Variants in DNAJC2 observed in about 807,000 individuals in gnomAD.
The protein encoded by DNAJC2 is DnaJ heat shock protein family (Hsp40) member C2.
DNAJC2 carries 32 observed loss-of-function variants against 94.0 expected under a neutral mutation model. The ratio of observed to expected loss-of-function variants is 0.34; its 90% confidence interval spans 0.26 to 0.46. The LOEUF (loss-of-function observed/expected upper bound fraction) is 0.46. Among genes scored for constraint, DNAJC2 ranks in the 20% least tolerant of loss-of-function variants. The pLI, the probability that DNAJC2 is intolerant of heterozygous loss-of-function variation, is 1.00. For missense variants in DNAJC2, 550 were observed against 719.5 expected (o/e 0.76, Z 2.69); for synonymous variants, 210 against 229.7 (o/e 0.91, Z 0.77).
intron 2 of DNAJC2, among the ~76,000 whole-genome samples, chr7:103,338,265 GTCTT>G (rs1819250330): frequency 7.7e-6 from 1 of 130,334 alleles, no homozygotes; most frequent in Non-Finnish European, 1.6e-5. Flanking sequence ...GCAAGACCCT[GTCTT>G]TTTTTTTTTT....
chr7:103,332,976 C>G (rs1223275963), intron 3 of DNAJC2, among the ~76,000 whole-genome samples: 2 of 152,058 alleles, frequency 1.3e-5, no homozygotes, highest in African/African-American at 2.4e-5. Context: ...TGCTTGGGAC[C>G]AAAAGTGTTC....
At chr7:103,323,570 T>G (rs1039882569) in intron 7 of DNAJC2, 28 bp downstream of exon 7, 1 of 1,434,622 alleles carries the variant, frequency 7.0e-7, no homozygotes, top group Admixed American at 2.7e-5. Flanking sequence ...AATAAATACC[T>G]TCCATTATTA....
chr7:103,317,453 T>G lies in DNAJC2; in HGVS notation c.1243-439A>C, dbSNP rs116171390. The G allele has an allele frequency of 8.1e-3, 1,271 of 156,088 alleles. 14 individuals carry two copies. Among genetic ancestry groups the G allele is most frequent in the African/African-American group, 0.028 (1,188 of 41,712 alleles). The allele number at this position is 156,088 out of a possible 1,614,324, so 9.7% of individuals were successfully genotyped here. A position where few individuals can be genotyped will look rare whatever the true frequency, so the allele number is the denominator to read the frequency against. On this transcript the variant is annotated intron_variant, in intron 12 of 16. Transcript: ENST00000379263. ...GAAGCTCTACCATTTACATTGTTCC[T>G]TCTAGACTACCTTCAAACATGCACA...
chr7:103,334,606 A>AT (rs1401883131), intron 3 of DNAJC2, among the ~76,000 whole-genome samples: 258 of 151,144 alleles, frequency 1.7e-3, no homozygotes, highest in Non-Finnish European at 3.0e-3. Context: ...TTGAAAAAAA[A>AT]TTTTTTTAAT....
At chr7:103,335,869 TAA>T (rs907147657) in intron 3 of DNAJC2, 2 of 152,180 alleles carry the variant, frequency 1.3e-5, no homozygotes, top group Non-Finnish European at 2.9e-5. Flanking sequence ...ACAAGGCCAA[TAA>T]AAAGAGTGGA....
chr7:103,320,832 T>C (rs1233012761), intron 10 of DNAJC2: 1 of 108,000 alleles, frequency 9.3e-6, no homozygotes, highest in Non-Finnish European at 1.7e-5. Context: ...CAGCATGTCT[T>C]TTTTTTTTTT....
At position 103,315,758 on chromosome 7, in the gene DNAJC2, A is replaced by T; in HGVS notation, c.1636+6T>A. ...CATTTTCTACGTTTAGAAAAGCAAA[A>T]TTTACCTTCAAATCGTTCTGAAGGC... On this transcript the variant is annotated splice_donor_region_variant and intron_variant, in intron 15 of 16. Transcript: ENST00000379263. The T allele has an allele frequency of 6.2e-7, 1 of 1,611,070 alleles. No homozygotes were observed. The highest frequency in any genetic ancestry group is 1.3e-5 in the African/African-American group (1 of 74,956).
rs758317404 is a variant in DNAJC2, at chr7:103,316,846, C to T, written c.1411G>A (p.Ala471Thr). Reference protein sequence around the residue: ...LLIKAVNLFPAGTNSRWEVIA... With the variant: ...LLIKAVNLFPTGTNSRWEVIA... ...AACCAGTACCTTGAATTTGTTCCAG[C>T]AGGGAACAGATTCACAGCTTTAATT... Residue 471 changes from alanine to threonine, a missense_variant, in exon 13 of 17, where the codon GCT becomes ACT. Coordinates refer to ENST00000379263, the MANE Select transcript of DNAJC2 (RefSeq NM_014377.3). The T allele has an allele frequency of 3.1e-6, 5 of 1,613,380 alleles. No homozygotes were observed. The highest frequency in any genetic ancestry group is 4.2e-6 in the Non-Finnish European group (5 of 1,179,836).
At chr7:103,327,336 A>T in intron 4 of DNAJC2, 1 of 1,291,028 alleles carries the variant, frequency 7.7e-7, no homozygotes, top group Non-Finnish European at 1.0e-6. Flanking sequence ...ACTTACATGA[A>T]TTAACTGTAG....
Position 103,344,748 on chromosome 7 carries a change from G to C in DNAJC2, c.-126C>G, listed in dbSNP as rs1176081596. 1 of 947,572 alleles carries C rather than the reference G, an allele frequency of 1.1e-6. No homozygotes were observed. Among genetic ancestry groups the C allele is most frequent in the African/African-American group, 1.6e-5 (1 of 61,614 alleles). 58.7% of individuals were successfully genotyped at this position (947,572 alleles called of 1,614,324 possible). On this transcript the variant is annotated 5_prime_UTR_variant, in exon 1 of 17. Transcript: ENST00000379263. ...CTTGGCTCTAAGACGCCCAGGAACC[G>C]GCGCATGGAGACGACCAGTAAGCAC...
intron 16 of DNAJC2, 108 bp downstream of exon 16, chr7:103,312,839 T>TA: frequency 6.6e-7 from 1 of 1,524,554 alleles, no homozygotes; most frequent in Non-Finnish European, 8.8e-7. Context: ...ACTACTGGTT[T>TA]TGAAATAAGC....
At chr7:103,339,103 T>A (rs574609637) in intron 2 of DNAJC2, among the ~76,000 whole-genome samples, 1 of 152,288 alleles carries the variant, frequency 6.6e-6, no homozygotes, top group South Asian at 2.1e-4. Context: ...GACCCCTTTT[T>A]TCTCTTAGCA....
chr7:103,332,265 A>G (rs776451649), intron 3 of DNAJC2, among the ~76,000 whole-genome samples: 42 of 152,198 alleles, frequency 2.8e-4, no homozygotes, highest in Non-Finnish European at 2.2e-4. Flanking sequence ...TTGGCCTCCC[A>G]AAGTGCTCGG....
chr7:103,327,216 ACTT>A (rs1234517804), intron 4 of DNAJC2: 2 of 474,616 alleles, frequency 4.2e-6, no homozygotes, highest in East Asian at 1.4e-4. Flanking sequence ...GATATAATCA[ACTT>A]CTTGATTTAA....
chr7:103,314,991 CAA>C (rs1184364946), intron 15 of DNAJC2, among the ~76,000 whole-genome samples: 1 of 152,118 alleles, frequency 6.6e-6, no homozygotes, highest in East Asian at 1.9e-4. Flanking sequence ...ACATCCTAAA[CAA>C]AGACACACGT....
Position 103,316,830 on chromosome 7 carries a change from C to A in DNAJC2, c.1427G>T (p.Arg476Ile). The change falls in exon 13 of 17, where the codon AGA becomes ATA. Residue 476 changes from arginine (R) to isoleucine (I), a missense_variant and splice_region_variant. Transcript: ENST00000379263. ...AGAAAAGTTTCATTAAAACCAGTAC[C>A]TTGAATTTGTTCCAGCAGGGAACAG... ...VNLFPAGTNS[R>I]WEVIANYMNI... is the part of the protein sequence containing the mutation. 6.2e-7 allele frequency: 1 copy of A among 1,612,968 alleles called. No individual in the cohort carries two copies. The highest frequency in any genetic ancestry group is 8.5e-7 in the Non-Finnish European group (1 of 1,179,686).
intron 3 of DNAJC2, chr7:103,328,935 TA>T: frequency 9.1e-7 from 1 of 1,094,106 alleles, no homozygotes; most frequent in Non-Finnish European, 1.2e-6. Flanking sequence ...TCTTAGGATA[TA>T]ATCACAGAAG....
At chr7:103,334,369 C>G (rs1260380660) in intron 3 of DNAJC2, among the ~76,000 whole-genome samples, 1 of 151,522 alleles carries the variant, frequency 6.6e-6, no homozygotes, top group Non-Finnish European at 1.5e-5. Flanking sequence ...CGAGACCAGC[C>G]TGGTCAACGT....
intron 15 of DNAJC2, chr7:103,313,499 A>G: frequency 1.0e-6 from 1 of 985,076 alleles, no homozygotes; most frequent in East Asian, 1.1e-4. Flanking sequence ...CAGAATAGGT[A>G]AAAGAGCTTC....
Sources: gnomAD v4.1 joint callset for allele counts (sites outside exome capture counted in the v4.1 genomes callset) on GRCh38, gnomAD v4.1.1 for gene constraint, MANE v1.5 for transcripts, NCBI Gene and HGNC (gene_info 2026-07-23, HGNC 2026-07-21) for gene names.